Variants in MSH4 observed in about 807,000 individuals in gnomAD.
The protein encoded by MSH4 is mutS protein homolog 4.
A neutral mutation model predicts 113.7 loss-of-function variants in MSH4; 106 were observed. That is an observed-to-expected ratio of 0.93 (90% CI 0.80 to 1.10). The LOEUF (loss-of-function observed/expected upper bound fraction) is 1.10. Among genes scored for constraint, MSH4 ranks in the 50% least tolerant of loss-of-function variants. The probability of loss-of-function intolerance (pLI) is 0.00; values close to 1 mark genes in which losing one functional copy is unlikely to be tolerated. For missense variants in MSH4, 1,061 were observed against 1,093.7 expected (o/e 0.97, Z 0.42); for synonymous variants, 368 against 380.2 (o/e 0.97, Z 0.37).
At chr1:75,883,109 A>G (rs2100574056) in intron 14 of MSH4, among the ~76,000 whole-genome samples, 1 of 151,596 alleles carries the variant, frequency 6.6e-6, no homozygotes, top group Admixed American at 6.6e-5. Context: ...GGCTCAAGAG[A>G]TCCTCCTATC....
chr1:75,822,288 C>CAA (rs33965683), intron 6 of MSH4, 121 bp from the exon 7 acceptor site: 17,940 of 384,848 alleles, frequency 0.047, 1,080 homozygotes, highest in African/African-American at 0.25. Context: ...GACTCTGTTT[C>CAA]AAAAAAAAAA....
At chr1:75,847,576 T>A (rs962976494) in intron 7 of MSH4, among the ~76,000 whole-genome samples, 1 of 152,122 alleles carries the variant, frequency 6.6e-6, no homozygotes, top group Non-Finnish European at 1.5e-5. Flanking sequence ...AGAAACGAGT[T>A]TATTTGGGTC....
Position 75,804,381 on chromosome 1 carries a change from A to G in MSH4, c.427+468A>G, listed in dbSNP as rs1283855954. On this transcript the variant is annotated intron_variant, in intron 2 of 19. Coordinates refer to ENST00000263187, the MANE Select transcript of MSH4 (RefSeq NM_002440.4). ...CAGGGTAAGTTATGTAAATGCATAT[A>G]TTTATAAGATAATGACAAATTATTT... 2.6e-5 allele frequency among the ~76,000 whole-genome samples: 4 copies of G among 152,228 alleles called. No homozygotes were observed. The East Asian group carries it at 5.8e-4, about 22-fold the overall frequency.
intron 8 of MSH4, among the ~76,000 whole-genome samples, chr1:75,864,922 G>C (rs1158728427): frequency 2.0e-5 from 3 of 152,242 alleles, no homozygotes; most frequent in African/African-American, 7.2e-5. Context: ...CATAAGAGAG[G>C]CTGGAGGGTA....
At chr1:75,864,732 C>G (rs373899257) in intron 8 of MSH4, among the ~76,000 whole-genome samples, 14 of 152,030 alleles carry the variant, frequency 9.2e-5, no homozygotes, top group East Asian at 7.7e-4. Flanking sequence ...TAGATATAAG[C>G]CCTTTTTTGG....
At chr1:75,898,122 T>A in intron 18 of MSH4, 41 bp downstream of exon 18, 1 of 1,304,088 alleles carries the variant, frequency 7.7e-7, no homozygotes, top group Non-Finnish European at 1.0e-6. Context: ...TCAAATACTA[T>A]ATATTCTCCT....
chr1:75,837,365 T>C (rs914357122), intron 7 of MSH4, among the ~76,000 whole-genome samples: 1 of 150,438 alleles, frequency 6.6e-6, no homozygotes, highest in Admixed American at 6.7e-5. Context: ...CACCTGAAAC[T>C]TAATGTACCC....
At chr1:75,833,574 G>A (rs1384488009) in intron 7 of MSH4, among the ~76,000 whole-genome samples, 1 of 152,104 alleles carries the variant, frequency 6.6e-6, no homozygotes, top group African/African-American at 2.4e-5. Flanking sequence ...CATGGCACTG[G>A]TACCAAAACA....
At chr1:75,889,511 C>A (rs977888114) in intron 16 of MSH4, 142 bp downstream of exon 16, 1 of 411,876 alleles carries the variant, frequency 2.4e-6, no homozygotes, top group Non-Finnish European at 4.5e-6. Context: ...TCAAAGACAG[C>A]CTCCTAATTT....
chr1:75,878,904 C>T (rs1651871791), intron 11 of MSH4, 88 bp from the exon 12 acceptor site: 1 of 1,080,082 alleles, frequency 9.3e-7, no homozygotes, highest in African/African-American at 1.7e-5. Context: ...AATTTAAAAA[C>T]CATGTGACTC....
chr1:75,829,629 A>T (rs1650637964), intron 7 of MSH4, among the ~76,000 whole-genome samples: 2 of 152,320 alleles, frequency 1.3e-5, no homozygotes, highest in African/African-American at 4.8e-5. Flanking sequence ...CCGTTCTGCA[A>T]TATTTGCTGT....
At chr1:75,886,825 CATATATATATATATTAT>C (rs1425158765) in intron 15 of MSH4, among the ~76,000 whole-genome samples, 8 of 49,152 alleles carry the variant, frequency 1.6e-4, no homozygotes, top group Admixed American at 8.5e-4. Context: ...CACACTGGTA[CATATATATATATATTAT>C]ATATATATAT....
At chr1:75,870,531 G>A (rs1651690198) in intron 9 of MSH4, among the ~76,000 whole-genome samples, 1 of 152,126 alleles carries the variant, frequency 6.6e-6, no homozygotes, top group Non-Finnish European at 1.5e-5. Flanking sequence ...GGAGGTAATT[G>A]AATCATAGGG....
intron 4 of MSH4, among the ~76,000 whole-genome samples, chr1:75,812,343 G>A (rs985190623): frequency 1.3e-5 from 2 of 152,112 alleles, no homozygotes; most frequent in Non-Finnish European, 2.9e-5. Flanking sequence ...GGAGACTAAG[G>A]GAATAAGGAG....
chr1:75,807,242 G>T (rs1450388148), intron 3 of MSH4, 101 bp downstream of exon 3: 21 of 897,520 alleles, frequency 2.3e-5, no homozygotes, highest in South Asian at 3.2e-5. Context: ...TAGAATAAAG[G>T]TTATTCATTA....
chr1:75,876,930 T>C lies in MSH4; in HGVS notation c.1306-6T>C. On this transcript the variant is annotated splice_polypyrimidine_tract_variant and splice_region_variant and intron_variant, in intron 9 of 19. Transcript: ENST00000263187. ...TCCTTAACTTTTTTATTTTATTCTT[T>C]AATAGATTGCTATGAAGAACTGTAA... 6.7e-7 allele frequency: 1 copy of C among 1,491,412 alleles called. No individual in the cohort carries two copies. Among genetic ancestry groups the C allele is most frequent in the South Asian group, 1.3e-5 (1 of 75,544 alleles). The allele number at this position is 1,491,412 out of a possible 1,614,324, so 92.4% of individuals were successfully genotyped here.
At chr1:75,881,167 A>G (rs1651923147) in intron 13 of MSH4, 79 bp from the exon 14 acceptor site, 17 of 1,118,498 alleles carry the variant, frequency 1.5e-5, no homozygotes, top group Non-Finnish European at 2.2e-5. Flanking sequence ...CAGGCAATGA[A>G]TTTAATATTA....
chr1:75,902,367 C>T (rs1206861818), intron 19 of MSH4, among the ~76,000 whole-genome samples: 1 of 151,782 alleles, frequency 6.6e-6, no homozygotes, highest in Non-Finnish European at 1.5e-5. Context: ...CCTACCTTCC[C>T]CCTTTTGTCC....
At chr1:75,798,094 A>C (rs868599255) in intron 1 of MSH4, among the ~76,000 whole-genome samples, 6 of 152,144 alleles carry the variant, frequency 3.9e-5, no homozygotes, top group Admixed American at 2.6e-4. Flanking sequence ...TTTTCAGTTC[A>C]TCTCATGTGA....
Sources: gnomAD v4.1 joint callset for allele counts (sites outside exome capture counted in the v4.1 genomes callset) on GRCh38, gnomAD v4.1.1 for gene constraint, MANE v1.5 for transcripts, NCBI Gene and HGNC (gene_info 2026-07-23, HGNC 2026-07-21) for gene names.